ADAMTSL2: variants seen among roughly 807,000 people sequenced by gnomAD.
ADAMTSL2 encodes ADAMTS-like protein 2.
In ADAMTSL2, 55 loss-of-function variants were observed where a neutral mutation model predicts 117.0. That is an observed-to-expected ratio of 0.47 (90% CI 0.38 to 0.59). The LOEUF (loss-of-function observed/expected upper bound fraction) is 0.59. ADAMTSL2 is among the 20% of genes least tolerant of loss of function. The probability of loss-of-function intolerance (pLI) is 0.00; values close to 1 mark genes in which losing one functional copy is unlikely to be tolerated. For synonymous variants in ADAMTSL2, 572 were observed against 566.4 expected, an observed-to-expected ratio of 1.01 and a Z score of -0.14; for missense variants, 1,182 against 1,354.5, an observed-to-expected ratio of 0.87 and a Z score of 2.00.
intron 1 of ADAMTSL2, 22 bp from the exon 2 acceptor site, chr9:133,536,541 G>C (rs755388728): frequency 1.4e-5 from 22 of 1,542,170 alleles, no homozygotes; most frequent in Non-Finnish European, 1.9e-5. Flanking sequence ...GACTGAGGCG[G>C]GGGGTTCATC....
intron 8 of ADAMTSL2, 101 bp from the exon 9 acceptor site, chr9:133,546,937 G>T: frequency 8.1e-7 from 1 of 1,230,574 alleles, no homozygotes; most frequent in Non-Finnish European, 1.2e-6. Flanking sequence ...TTTGAGCCGG[G>T]GTTCTGGAGG....
Position 133,555,646 on chromosome 9 carries a change from T to A in ADAMTSL2, c.1365T>A (p.Ala455=), listed in dbSNP as rs1830588911. 11 of 1,613,582 alleles carry A rather than the reference T, an allele frequency of 6.8e-6. No individual in the cohort carries two copies. Among genetic ancestry groups the A allele is most frequent in the Non-Finnish European group, 5.1e-6 (6 of 1,180,036 alleles). Residue 455 remains alanine, a synonymous_variant, in exon 11 of 19, where the codon GCT becomes GCA. Transcript: ENST00000651351. ...THFASQEFFS[A]NAISDQLLGA... is the part of the protein sequence containing the mutation. Reference sequence around the variant, plus strand: ...TCGCCTCCCAGGAGTTCTTCTCGGCTAACGCCATCTCTGACCAGCTGCTGG... The same window carrying A: ...TCGCCTCCCAGGAGTTCTTCTCGGCAAACGCCATCTCTGACCAGCTGCTGG...
At chr9:133,547,965 T>C (rs1830394167) in intron 9 of ADAMTSL2, among the ~76,000 whole-genome samples, 1 of 152,208 alleles carries the variant, frequency 6.6e-6, no homozygotes, top group Non-Finnish European at 1.5e-5. Context: ...ACCGAAAATA[T>C]GTAAAGGACT....
At chr9:133,539,948 C>G in intron 5 of ADAMTSL2, 75 bp downstream of exon 5, 1 of 1,360,154 alleles carries the variant, frequency 7.4e-7, no homozygotes, top group Non-Finnish European at 1.0e-6. Context: ...GCACCTGGGA[C>G]CAAACTCGAC....
Position 133,574,854 on chromosome 9 carries a change from C to G in ADAMTSL2, c.2846C>G (p.Pro949Arg). 1 of 1,605,770 alleles carries G rather than the reference C, an allele frequency of 6.2e-7. No individual in the cohort carries two copies. The highest frequency in any genetic ancestry group is 8.5e-7 in the Non-Finnish European group (1 of 1,173,960). ...GCGTGCTGCCGCTCCTGCAGGCCCC[C>G]CCACTCCTAGGCCCGGCAGCTGCAG... ...SKACCRSCRP[P>R]HS The change falls in exon 19 of 19, where the codon CCC becomes CGC. Residue 949 changes from proline (P) to arginine (R), a missense_variant. By Grantham distance (103) the Pro-to-Arg change is moderately radical. Transcript: ENST00000651351.
chr9:133,545,270 G>A (rs922576395), intron 8 of ADAMTSL2, among the ~76,000 whole-genome samples: 10 of 152,164 alleles, frequency 6.6e-5, no homozygotes, highest in Non-Finnish European at 1.0e-4. Context: ...TTTATGGGGC[G>A]GGCTTGGGTA....
In ADAMTSL2 at chr9:133,551,812, CTTT is replaced by C. The variant is rs56225051; in HGVS notation, c.940-2521_940-2519del. ...CTCAGGATCCCACCCAAAGCAGCAG[CTTT>C]TTTTTTTTTTTTTTTTTTTTTTTGT... On this transcript the variant is annotated intron_variant, in intron 9 of 18. Coordinates refer to ENST00000651351, the MANE Select transcript of ADAMTSL2 (RefSeq NM_014694.4). Among the ~76,000 whole-genome samples the C allele has an allele frequency of 7.5e-3, 831 of 110,926 alleles. 6 individuals carry two copies. Among genetic ancestry groups the C allele is most frequent in the African/African-American group, 0.03 (780 of 25,956 alleles). The allele number at this position is 110,926 out of a possible 152,430, so 72.8% of individuals were successfully genotyped here.
At position 133,569,433 on chromosome 9, in the gene ADAMTSL2, G is replaced by T. The variant is rs1176510639; in HGVS notation, c.2270G>T (p.Arg757Leu). The T allele has an allele frequency of 2.8e-5, 45 of 1,613,364 alleles. No homozygotes were observed. Among genetic ancestry groups the T allele is most frequent in the Non-Finnish European group, 3.6e-5 (42 of 1,180,010 alleles). The change falls in exon 16 of 19, where the codon CGC becomes CTC. Residue 757 changes from arginine (R) to leucine (L), a missense_variant. By Grantham distance (102) the Arg-to-Leu change is moderately radical (BLOSUM62 -2). This residue lies in a region of ADAMTSL2 where 465 missense variants were observed against 565.3 expected (regional missense o/e 0.82). Coordinates refer to ENST00000651351, the MANE Select transcript of ADAMTSL2 (RefSeq NM_014694.4). Reference sequence around the variant, plus strand: ...TGCAGTGGAAGCTGCGGGCAAGGCCGCACCATCAGGCACGTGTACTGCAAG... The same window carrying T: ...TGCAGTGGAAGCTGCGGGCAAGGCCTCACCATCAGGCACGTGTACTGCAAG... ...GPCSGSCGQG[R>L]TIRHVYCKTS...
chr9:133,539,598 G>A (rs1830147241), intron 4 of ADAMTSL2, among the ~76,000 whole-genome samples, 173 bp from the exon 5 acceptor site: 1 of 70,024 alleles, frequency 1.4e-5, no homozygotes, highest in Non-Finnish European at 3.2e-5. Flanking sequence ...CCTCCTGAGA[G>A]CGCATGGGAG....
intron 12 of ADAMTSL2, among the ~76,000 whole-genome samples, chr9:133,564,183 GGA>G (rs1267561929): frequency 2.1e-4 from 1 of 4,740 alleles, no homozygotes; most frequent in Non-Finnish European, 4.7e-4. Flanking sequence ...AGAGAGAGAG[GGA>G]GAGAGAGAGA....
chr9:133,550,803 T>G (rs188480545), intron 9 of ADAMTSL2, among the ~76,000 whole-genome samples: 1 of 152,276 alleles, frequency 6.6e-6, no homozygotes, highest in Non-Finnish European at 1.5e-5. Context: ...CCGTTGTGCC[T>G]GCAGTGGGGT....
chr9:133,571,332 C>T (rs1831101595), intron 17 of ADAMTSL2, among the ~76,000 whole-genome samples: 1 of 152,164 alleles, frequency 6.6e-6, no homozygotes, highest in Admixed American at 6.5e-5. Context: ...AGAGTGAAAC[C>T]CAGGTGGGGT....
rs766537894 is a variant in ADAMTSL2 at position 133,564,185 on chromosome 9, A to AGG, written c.1748-2750_1748-2749insGG. ...GAGAAAGGGAGAGAGAGAGAGAGGG[A>AGG]GAGAGAGAGAGAGGGAGAGAGAGAG... On this transcript the variant is annotated intron_variant, in intron 12 of 18. Transcript: ENST00000651351. Among the ~76,000 whole-genome samples the AGG allele has an allele frequency of 5.0e-3, 221 of 43,878 alleles. 43 individuals carry two copies. Among genetic ancestry groups the AGG allele is most frequent in the African/African-American group, 7.6e-3 (65 of 8,524 alleles). The allele number at this position is 43,878 out of a possible 152,430, so 28.8% of individuals were successfully genotyped here.
At chr9:133,565,444 A>T (rs1830944632) in intron 12 of ADAMTSL2, among the ~76,000 whole-genome samples, 2 of 152,116 alleles carry the variant, frequency 1.3e-5, no homozygotes, top group South Asian at 2.1e-4. Context: ...ATGGTCTGCA[A>T]GTCCCCAGCC....
chr9:133,566,989 G>A lies in ADAMTSL2; in HGVS notation c.1801G>A (p.Asp601Asn). 6.2e-7 allele frequency: 1 copy of A among 1,611,552 alleles called. No homozygotes were observed. The highest frequency in any genetic ancestry group is 8.5e-7 in the Non-Finnish European group (1 of 1,179,462). Residue 601 changes from aspartate to asparagine, a missense_variant, in exon 13 of 19, where the codon GAC becomes AAC. Asp to Asn is a conservative substitution (Grantham distance 23). This residue lies in a region of ADAMTSL2 where 465 missense variants were observed against 565.3 expected (regional missense o/e 0.82). Transcript: ENST00000651351. Reference protein sequence around the residue: ...CVRYDGVEVDDSYCDALTRPE... With the variant: ...CVRYDGVEVDNSYCDALTRPE... Reference sequence around the variant, plus strand: ...CCGCTATGATGGCGTCGAGGTGGATGACAGCTACTGTGACGCCCTGACCCG... The same window carrying A: ...CCGCTATGATGGCGTCGAGGTGGATAACAGCTACTGTGACGCCCTGACCCG...
intron 11 of ADAMTSL2, among the ~76,000 whole-genome samples, chr9:133,559,411 T>G (rs1830677423): frequency 7.1e-6 from 1 of 141,700 alleles, no homozygotes; most frequent in Non-Finnish European, 1.5e-5. Flanking sequence ...TGGTGTGATC[T>G]CGGCTCACTG....
At chr9:133,553,817 C>A (rs1191359405) in intron 9 of ADAMTSL2, among the ~76,000 whole-genome samples, 2 of 152,216 alleles carry the variant, frequency 1.3e-5, no homozygotes, top group Non-Finnish European at 2.9e-5. Flanking sequence ...AGGGTCTTGA[C>A]AGGGGCCTCA....
intron 9 of ADAMTSL2, among the ~76,000 whole-genome samples, chr9:133,553,437 C>T (rs1336474214): frequency 2.0e-5 from 3 of 152,306 alleles, no homozygotes; most frequent in East Asian, 1.9e-4. Flanking sequence ...GCCATCCTTC[C>T]GTTCTTGGGG....
At chr9:133,547,934 C>T (rs544654180) in intron 9 of ADAMTSL2, among the ~76,000 whole-genome samples, 1 of 152,248 alleles carries the variant, frequency 6.6e-6, no homozygotes, top group South Asian at 2.1e-4. Flanking sequence ...AATGGAGGCT[C>T]TGGTGGCTTG....
Sources: gnomAD v4.1 joint callset for allele counts (sites outside exome capture counted in the v4.1 genomes callset) on GRCh38, gnomAD v4.1.1 for gene constraint, gnomAD v4.1.1 regional missense constraint, MANE v1.5 for transcripts, NCBI Gene and HGNC (gene_info 2026-07-23, HGNC 2026-07-21) for gene names.